Variants in CUX1 observed in about 807,000 individuals in gnomAD.
The protein encoded by CUX1 is cut like homeobox 1.
In CUX1, 31 loss-of-function variants were observed where a neutral mutation model predicts 158.8. The observed-to-expected ratio is 0.20, with a 90% confidence interval of 0.15 to 0.26. CUX1 has a LOEUF of 0.26. Ranked by LOEUF, CUX1 falls within the 10% of genes least tolerant of loss-of-function variation. The pLI, the probability that CUX1 is intolerant of heterozygous loss-of-function variation, is 1.00. For synonymous variants in CUX1, 879 were observed against 862.1 expected (o/e 1.02, Z -0.34); for missense variants, 1,589 against 2,014.6 (o/e 0.79, Z 4.04).
At chr7:102,218,883 C>A (rs1797505895) in intron 20 of CUX1, among the ~76,000 whole-genome samples, 1 of 151,422 alleles carries the variant, frequency 6.6e-6, no homozygotes. Flanking sequence ...TGAGGCCCCC[C>A]ATCTCCACAA....
At chr7:102,146,635 T>A (rs1835055179) in intron 8 of CUX1, among the ~76,000 whole-genome samples, 1 of 152,132 alleles carries the variant, frequency 6.6e-6, no homozygotes, top group South Asian at 2.1e-4. Flanking sequence ...TCTCACTCTG[T>A]TGCCCAGGCT....
intron 8 of CUX1, among the ~76,000 whole-genome samples, chr7:102,138,267 A>G (rs1554499255): frequency 6.6e-6 from 1 of 152,164 alleles, no homozygotes; most frequent in Non-Finnish European, 1.5e-5. Context: ...AAAAATATGT[A>G]TTTTATTTTT....
chr7:102,221,529 G>A (rs935391622), intron 20 of CUX1, among the ~76,000 whole-genome samples: 2 of 152,190 alleles, frequency 1.3e-5, no homozygotes, highest in South Asian at 4.2e-4. Flanking sequence ...ATGTATCTCC[G>A]AGAATTACGG....
chr7:102,097,354 T>C lies in CUX1; in HGVS notation c.269-10T>C. On this transcript the variant is annotated splice_polypyrimidine_tract_variant and intron_variant, in intron 4 of 23. Transcript: ENST00000292535. ...CCGAGTGGGGTGATGGCTGTTTTCC[T>C]GTTGTGCAGATCCCGTACCAGCTTT... is the stretch of plus-strand genomic sequence containing the variant. The C allele has an allele frequency of 3.1e-6, 5 of 1,602,014 alleles. No individual in the cohort carries two copies. The highest frequency in any genetic ancestry group is 1.8e-5 in the Admixed American group (1 of 56,058).
At chr7:102,021,322 A>G (rs576221743) in intron 2 of CUX1, among the ~76,000 whole-genome samples, 1 of 151,906 alleles carries the variant, frequency 6.6e-6, no homozygotes, top group South Asian at 2.1e-4. Context: ...TTTTTCCCCC[A>G]TTTGGAGACA....
At chr7:101,852,865 A>T (rs1180205470) in intron 1 of CUX1, among the ~76,000 whole-genome samples, 1 of 151,626 alleles carries the variant, frequency 6.6e-6, no homozygotes, top group African/African-American at 2.4e-5. Flanking sequence ...TTTAGTAGGG[A>T]CAGGGTTTCA....
At chr7:102,210,825 G>A (rs1174585204) in intron 20 of CUX1, among the ~76,000 whole-genome samples, 5 of 152,170 alleles carry the variant, frequency 3.3e-5, no homozygotes, top group Admixed American at 6.5e-5. Flanking sequence ...TGAAGCCCAC[G>A]GGGCCGTGGG....
At chr7:101,929,944 C>T (rs1237652419) in intron 2 of CUX1, among the ~76,000 whole-genome samples, 1 of 152,128 alleles carries the variant, frequency 6.6e-6, no homozygotes, top group Non-Finnish European at 1.5e-5. Context: ...CGGGTTCAAG[C>T]GATTCTCCTA....
intron 2 of CUX1, among the ~76,000 whole-genome samples, chr7:101,976,630 C>G (rs1812718509): frequency 6.6e-6 from 1 of 152,134 alleles, no homozygotes; most frequent in Admixed American, 6.6e-5. Context: ...CATTAAAGAT[C>G]TGATGACGAG....
At chr7:101,940,023 T>C (rs1480905533) in intron 2 of CUX1, among the ~76,000 whole-genome samples, 4 of 149,734 alleles carry the variant, frequency 2.7e-5, no homozygotes, top group African/African-American at 9.9e-5. Context: ...GAGGTTGCAG[T>C]GAGCCGAGAT....
At chr7:101,932,157 C>T (rs1272006904) in intron 2 of CUX1, among the ~76,000 whole-genome samples, 2 of 152,186 alleles carry the variant, frequency 1.3e-5, no homozygotes, top group East Asian at 1.9e-4. Flanking sequence ...TGATTAAGAT[C>T]GAGGGAAATG....
intron 1 of CUX1, among the ~76,000 whole-genome samples, chr7:101,823,746 C>T (rs556391479): frequency 2.6e-5 from 4 of 152,264 alleles, no homozygotes; most frequent in South Asian, 2.1e-4. Context: ...TGAGGTGTTC[C>T]GAGTTTGGTT....
At chr7:102,134,391 C>A (rs1280620751) in intron 8 of CUX1, among the ~76,000 whole-genome samples, 1 of 152,138 alleles carries the variant, frequency 6.6e-6, no homozygotes, top group Non-Finnish European at 1.5e-5. Flanking sequence ...AATTGTTTTC[C>A]TTGGTCCTTA....
chr7:102,008,406 C>T (rs1012552055), intron 2 of CUX1, among the ~76,000 whole-genome samples: 4 of 151,984 alleles, frequency 2.6e-5, no homozygotes, highest in African/African-American at 9.7e-5. Flanking sequence ...AATTCAGGTG[C>T]CCCCAGCCCA....
rs1186410987 is a variant in CUX1, at chr7:102,180,919, GTATTT to G, written c.1017+2298_1017+2302del. 7.1e-3 allele frequency among the ~76,000 whole-genome samples: 368 copies of G among 51,536 alleles called. 1 individual carries two copies. The highest frequency in any genetic ancestry group is 0.047 in the African/African-American group (309 of 6,632). 33.8% of individuals were successfully genotyped at this position (51,536 alleles called of 152,430 possible). A position where few individuals can be genotyped will look rare whatever the true frequency, so the allele number is the denominator to read the frequency against. On this transcript the variant is annotated intron_variant, in intron 11 of 23. Transcript: ENST00000292535. ...AATTTTTATTTTATTTTATTTTATT[GTATTT>G]TATTTTATTTTATTTTATTTTATTT...
chr7:102,245,084 C>T (rs575828837), intron 23 of CUX1, among the ~76,000 whole-genome samples: 5 of 152,248 alleles, frequency 3.3e-5, no homozygotes, highest in Admixed American at 1.3e-4. Flanking sequence ...GCTCTGTCGC[C>T]GAGGCTGGAG....
chr7:101,974,059 C>T (rs1467687268), intron 2 of CUX1, among the ~76,000 whole-genome samples: 2 of 151,184 alleles, frequency 1.3e-5, no homozygotes, highest in Admixed American at 6.6e-5. Context: ...TGAACCACTG[C>T]GCCCGGCCCA....
rs181505001 is a variant in CUX1 at position 101,997,710 on chromosome 7, C to T, written c.142-30388C>T. ...TGGCCTCATCTCAGCCATGTGAGGC[C>T]GATGTTGTGCCCATTGTACAGATGG... On this transcript the variant is annotated intron_variant, in intron 2 of 23. Transcript: ENST00000292535. Among the ~76,000 whole-genome samples, 37 of 152,216 alleles carry T rather than the reference C, an allele frequency of 2.4e-4. No homozygotes were observed. In the East Asian group the frequency reaches 6.8e-3, roughly 28 times the overall value.
rs1388046917 is a variant in CUX1 at position 102,254,751 on chromosome 7, T to A, written c.*5709T>A. 1.0e-6 allele frequency: 1 copy of A among 985,340 alleles called. No homozygotes were observed. The highest frequency in any genetic ancestry group is 1.2e-6 in the Non-Finnish European group (1 of 829,962). The allele number at this position is 985,340 out of a possible 1,614,324, so 61.0% of individuals were successfully genotyped here. On this transcript the variant is annotated 3_prime_UTR_variant, in exon 24 of 24. Coordinates refer to ENST00000292535, the MANE Select transcript of CUX1 (RefSeq NM_181552.4). ...ACAAGGGCAGGGCTTGTGCCCTGAGTGGCGAGGTGGTGACCTGAGGCCAGT... is the reference window on the plus strand; with the variant it reads ...ACAAGGGCAGGGCTTGTGCCCTGAGAGGCGAGGTGGTGACCTGAGGCCAGT...
Sources: allele counts gnomAD v4.1 joint callset (sites outside exome capture counted in the v4.1 genomes callset), GRCh38; gene constraint gnomAD v4.1.1; transcripts MANE v1.5; gene names NCBI Gene and HGNC (gene_info 2026-07-23, HGNC 2026-07-21).